Variants in MIDEAS observed in about 807,000 individuals in gnomAD.
The protein encoded by MIDEAS is mitotic deacetylase associated SANT domain protein, also known as mitotic deacetylase-associated SANT domain protein.
Under a neutral mutation model 102.7 loss-of-function variants are expected in MIDEAS, and 26 were observed. The observed-to-expected ratio is 0.25, with a 90% confidence interval of 0.19 to 0.35. The LOEUF (loss-of-function observed/expected upper bound fraction) is 0.35. Ranked by LOEUF, MIDEAS falls within the 10% of genes least tolerant of loss-of-function variation. The pLI, the probability that MIDEAS is intolerant of heterozygous loss-of-function variation, is 1.00. For synonymous variants in MIDEAS, 585 were observed against 591.0 expected, an observed-to-expected ratio of 0.99 and a Z score of 0.15; for missense variants, 1,231 against 1,435.6, an observed-to-expected ratio of 0.86 and a Z score of 2.30.
chr14:73,734,992 CT>C (rs925228404), intron 3 of MIDEAS, among the ~76,000 whole-genome samples: 1 of 152,116 alleles, frequency 6.6e-6, no homozygotes, highest in African/African-American at 2.4e-5. Flanking sequence ...TAGATGGCAA[CT>C]TTTAACCCAA....
At chr14:73,779,116 T>C (rs1441840223) in intron 1 of MIDEAS, among the ~76,000 whole-genome samples, 2 of 151,780 alleles carry the variant, frequency 1.3e-5, no homozygotes, top group Non-Finnish European at 2.9e-5. Context: ...CCGGGCATGG[T>C]TGGCGCATGC....
In MIDEAS at chr14:73,738,624, T is replaced by G. The variant is rs776767092; in HGVS notation, c.1385A>C (p.Gln462Pro). The G allele has an allele frequency of 3.7e-6, 6 of 1,612,116 alleles. No individual in the cohort carries two copies. The African/African-American group carries it at 8.0e-5, about 22-fold the overall frequency. Residue 462 changes from glutamine to proline, a missense_variant, in exon 2 of 13, where the codon CAG becomes CCG. Physicochemically the swap from Gln to Pro is moderately conservative, Grantham distance 76 (BLOSUM62 -1). Around this residue, in one of 5 missense-constraint regions of MIDEAS, gnomAD observed 758 missense variants for 856.0 expected, o/e 0.89. Coordinates refer to ENST00000423556, the MANE Select transcript of MIDEAS (RefSeq NM_001367710.1). ...GGCCAGGGTCAGCAAATTGGCCTCC[T>G]GGGATGCCCGGCGCCTCCGTCGCGT... The part of the protein sequence containing the change: ...QSTRRRRRAS[Q>P]EANLLTLAQK...
intron 1 of MIDEAS, among the ~76,000 whole-genome samples, chr14:73,786,677 C>T (rs931011012): frequency 1.3e-5 from 2 of 152,242 alleles, no homozygotes; most frequent in African/African-American, 4.8e-5. Context: ...CCTTTAACTT[C>T]CTTCCTGCGC....
In MIDEAS at chr14:73,737,357, C is replaced by T; in HGVS notation, c.1450-60G>A. On this transcript the variant is annotated intron_variant, in intron 2 of 12. Transcript: ENST00000423556. Reference sequence around the variant, plus strand: ...GGTAAGTCATAGCCAGGCGCAGTGGCTCACGCCTATAATTCCTGCACTTTG... The same window carrying T: ...GGTAAGTCATAGCCAGGCGCAGTGGTTCACGCCTATAATTCCTGCACTTTG... 2.6e-6 allele frequency: 4 copies of T among 1,524,540 alleles called. No individual in the cohort carries two copies. The South Asian group carries it at 3.7e-5, about 14-fold the overall frequency. The allele number at this position is 1,524,540 out of a possible 1,614,324, so 94.4% of individuals were successfully genotyped here. A position where few individuals can be genotyped will look rare whatever the true frequency, so the allele number is the denominator to read the frequency against.
Position 73,739,470 on chromosome 14 carries a change from C to G in MIDEAS, c.539G>C (p.Arg180Pro). Reference protein sequence around the residue: ...AGGPQLDRYVRPMMPQKVQLE... With the variant: ...AGGPQLDRYVPPMMPQKVQLE... ...CTGCACCTTCTGTGGCATCATTGGTCGCACATAGCGGTCCAGCTGTGGGCC... is the reference window on the plus strand; with the variant it reads ...CTGCACCTTCTGTGGCATCATTGGTGGCACATAGCGGTCCAGCTGTGGGCC... Residue 180 changes from arginine to proline, a missense_variant, in exon 2 of 13, where the codon CGA (arginine) becomes CCA (proline). Transcript: ENST00000423556. The G allele has an allele frequency of 6.2e-7, 1 of 1,604,848 alleles. No individual in the cohort carries two copies. Among genetic ancestry groups the G allele is most frequent in the Non-Finnish European group, 8.5e-7 (1 of 1,175,060 alleles).
At position 73,746,213 on chromosome 14, in the gene MIDEAS, G is replaced by T. The variant is rs74606396; in HGVS notation, c.-247-5958C>A. Among the ~76,000 whole-genome samples the T allele has an allele frequency of 6.1e-3, 925 of 152,332 alleles. 14 individuals carry two copies. The highest frequency in any genetic ancestry group is 0.021 in the African/African-American group (869 of 41,572). ...CCATAGCCCCACAAATGCCCACAGG[G>T]TGTCCATGGGAAGCTGGGATAGCCA... On this transcript the variant is annotated intron_variant, in intron 1 of 12. Coordinates refer to ENST00000423556, the MANE Select transcript of MIDEAS (RefSeq NM_001367710.1).
rs765805963 is a variant in MIDEAS, at chr14:73,729,646, G to A, written c.2089C>T (p.Arg697Trp). The change falls in exon 4 of 13, where the codon CGG becomes TGG. Residue 697 changes from arginine (R) to tryptophan (W), a missense_variant. Physicochemically the swap from Arg to Trp is moderately radical, Grantham distance 101. Coordinates refer to ENST00000423556, the MANE Select transcript of MIDEAS (RefSeq NM_001367710.1). The stretch of plus-strand genomic sequence containing the variant: ...GCGGAGGGAGGTCACTCACTAGTCC[G>A]GAGCAGCGTGCGATGGGCACTCTTA... Reference protein sequence around the residue: ...TPKSAHRTLLRTNSAEVTPPV... With the variant: ...TPKSAHRTLLWTNSAEVTPPV... The A allele has an allele frequency of 1.4e-5, 22 of 1,606,322 alleles. No individual in the cohort carries two copies. Among genetic ancestry groups the A allele is most frequent in the South Asian group, 1.0e-4 (9 of 90,346 alleles).
At chr14:73,733,826 C>T (rs2053168744) in intron 3 of MIDEAS, among the ~76,000 whole-genome samples, 1 of 151,948 alleles carries the variant, frequency 6.6e-6, no homozygotes, top group African/African-American at 2.4e-5. Context: ...TCCTGAGTAG[C>T]TGGGATTACA....
At chr14:73,735,610 T>A (rs2053190580) in intron 3 of MIDEAS, among the ~76,000 whole-genome samples, 1 of 152,142 alleles carries the variant, frequency 6.6e-6, no homozygotes. Flanking sequence ...ACACCTTAAG[T>A]AGAAGGATAC....
chr14:73,727,487 C>G lies in MIDEAS; in HGVS notation c.2133G>C (p.Met711Ile), dbSNP rs1454270773. 1.9e-6 allele frequency: 3 copies of G among 1,613,850 alleles called. No homozygotes were observed. The highest frequency in any genetic ancestry group is 1.7e-4 in the Middle Eastern group (1 of 6,060). ...CGATGCTCACTGGGGTGGCCTCCCC[C>G]ATCACAGAGAGGACAGGCGGGGTTA... The part of the protein sequence containing the change: ...AEVTPPVLSV[M>I]GEATPVSIEP... Residue 711 changes from methionine to isoleucine, a missense_variant, in exon 5 of 13, where the codon ATG becomes ATC. Around this residue, in one of 5 missense-constraint regions of MIDEAS, gnomAD observed 391 missense variants for 483.0 expected, o/e 0.81. Transcript: ENST00000423556.
chr14:73,771,420 G>A (rs760969860), intron 1 of MIDEAS, among the ~76,000 whole-genome samples: 3 of 152,156 alleles, frequency 2.0e-5, no homozygotes, highest in Non-Finnish European at 4.4e-5. Flanking sequence ...CAACACCAAG[G>A]AGTCTCCCTG....
intron 1 of MIDEAS, among the ~76,000 whole-genome samples, chr14:73,774,844 T>C (rs921770964): frequency 2.6e-5 from 4 of 152,038 alleles, no homozygotes; most frequent in African/African-American, 9.7e-5. Flanking sequence ...GTCCTGGGCC[T>C]GCCCGATGCT....
Position 73,716,607 on chromosome 14 carries a change from C to T in MIDEAS, c.*2236G>A, listed in dbSNP as rs1380055496. The T allele has an allele frequency of 1.4e-5, 2 of 144,234 alleles. No individual in the cohort carries two copies. Among genetic ancestry groups the T allele is most frequent in the Non-Finnish European group, 3.0e-5 (2 of 67,028 alleles). 8.9% of individuals were successfully genotyped at this position (144,234 alleles called of 1,614,324 possible). ...CTGAGGCAGGAGAATTCTTTTAACC[C>T]AAGAGGCGGAGGTTGCAGTGAGCCA... On this transcript the variant is annotated 3_prime_UTR_variant, in exon 13 of 13. Coordinates refer to ENST00000423556, the MANE Select transcript of MIDEAS (RefSeq NM_001367710.1).
upstream of MIDEAS, among the ~76,000 whole-genome samples, chr14:73,761,351 G>C (rs932935718): frequency 2.0e-5 from 3 of 152,152 alleles, no homozygotes; most frequent in African/African-American, 7.2e-5. Context: ...GCAAAACTTG[G>C]ATCTTCTGCC....
At chr14:73,771,343 G>A (rs138995067) in intron 1 of MIDEAS, among the ~76,000 whole-genome samples, 83 of 152,340 alleles carry the variant, frequency 5.4e-4, no homozygotes, top group South Asian at 8.3e-4. Context: ...AGCTTCAGCA[G>A]GCTCCAACCT....
rs2052914204 is a variant in MIDEAS, at chr14:73,717,804, TC to T, written c.*1038del. ...CTGTCCAATCGAGTTAGGAGACCTC[TC>T]CCTCCCAGGGAAGGATCCAGAAATC... On this transcript the variant is annotated 3_prime_UTR_variant, in exon 13 of 13. Transcript: ENST00000423556. The T allele has an allele frequency of 6.6e-6, 1 of 152,622 alleles. No individual in the cohort carries two copies. The highest frequency in any genetic ancestry group is 1.5e-5 in the Non-Finnish European group (1 of 68,056). The allele number at this position is 152,622 out of a possible 1,614,324, so 9.5% of individuals were successfully genotyped here.
intron 1 of MIDEAS, among the ~76,000 whole-genome samples, chr14:73,749,062 C>T (rs2053389087): frequency 6.6e-6 from 1 of 152,098 alleles, no homozygotes; most frequent in South Asian, 2.1e-4. Context: ...CAACAACGAA[C>T]AGTACGACTA....
intron 1 of MIDEAS, among the ~76,000 whole-genome samples, chr14:73,750,097 A>G (rs1427749106): frequency 6.6e-6 from 1 of 152,224 alleles, no homozygotes; most frequent in African/African-American, 2.4e-5. Context: ...GATCCTTCCC[A>G]AAAGAAGGGA....
Position 73,716,986 on chromosome 14 carries a change from G to A in MIDEAS, c.*1857C>T, listed in dbSNP as rs1390955418. The A allele has an allele frequency of 6.6e-6, 1 of 152,616 alleles. No homozygotes were observed. Among genetic ancestry groups the A allele is most frequent in the East Asian group, 1.9e-4 (1 of 5,198 alleles). 9.5% of individuals were successfully genotyped at this position (152,616 alleles called of 1,614,324 possible). ...GACACTGAGCTCATGGAAGCCTGTGGAGGAAACTAACCGGTAAGCTGGGGA... is the reference window on the plus strand; with the variant it reads ...GACACTGAGCTCATGGAAGCCTGTGAAGGAAACTAACCGGTAAGCTGGGGA... On this transcript the variant is annotated 3_prime_UTR_variant, in exon 13 of 13. Coordinates refer to ENST00000423556, the MANE Select transcript of MIDEAS (RefSeq NM_001367710.1).
Sources: allele counts gnomAD v4.1 joint callset (sites outside exome capture counted in the v4.1 genomes callset), GRCh38; gene constraint gnomAD v4.1.1; regional missense constraint gnomAD v4.1.1; transcripts MANE v1.5; gene names NCBI Gene and HGNC (gene_info 2026-07-23, HGNC 2026-07-21).